Variants in ARHGAP30 observed in about 807,000 individuals in gnomAD.
The protein encoded by ARHGAP30 is Rho GTPase activating protein 30.
A neutral mutation model predicts 72.0 loss-of-function variants in ARHGAP30; 23 were observed. That is an observed-to-expected ratio of 0.32 (90% CI 0.23 to 0.45). ARHGAP30 has a LOEUF of 0.45. Among genes scored for constraint, ARHGAP30 ranks in the 20% least tolerant of loss-of-function variants. The pLI is 1.00. For missense variants in ARHGAP30, 1,319 were observed against 1,383.4 expected, an observed-to-expected ratio of 0.95 and a Z score of 0.74; for synonymous variants, 576 against 528.2, an observed-to-expected ratio of 1.09 and a Z score of -1.24.
chr1:161,065,094 C>A (rs1322940746), intron 1 of ARHGAP30, among the ~76,000 whole-genome samples: 1 of 152,142 alleles, frequency 6.6e-6, no homozygotes, highest in African/African-American at 2.4e-5. Context: ...GGTGCCTCAG[C>A]CTCCTGAGTA....
intron 1 of ARHGAP30, among the ~76,000 whole-genome samples, chr1:161,068,277 G>A (rs1434690900): frequency 6.6e-6 from 1 of 152,212 alleles, no homozygotes; most frequent in Non-Finnish European, 1.5e-5. Context: ...GCCCTGCACT[G>A]ATGGCTGTGC....
chr1:161,056,284 T>G, intron 3 of ARHGAP30, 104 bp downstream of exon 3: 1 of 1,447,104 alleles, frequency 6.9e-7, no homozygotes, highest in Non-Finnish European at 9.2e-7. Flanking sequence ...TCTCTGTCAT[T>G]CAGGATCGCT....
At position 161,048,354 on chromosome 1, in the gene ARHGAP30, G is replaced by A. The variant is rs749565030; in HGVS notation, c.2667C>T (p.Ala889=). ...NPHSSEMEEV[A]PQPPQPEEME... Reference sequence around the variant, plus strand: ...TCTCCTCTGGCTGAGGTGGCTGTGGGGCTACCTCTTCCATCTCAGAAGAGT... The same window carrying A: ...TCTCCTCTGGCTGAGGTGGCTGTGGAGCTACCTCTTCCATCTCAGAAGAGT... The change falls in exon 12 of 12, where the codon GCC becomes GCT. Residue 889 remains alanine, a synonymous_variant. Transcript: ENST00000368013. 1 of 1,614,122 alleles carries A rather than the reference G, an allele frequency of 6.2e-7. No homozygotes were observed. The highest frequency in any genetic ancestry group is 1.1e-5 in the South Asian group (1 of 91,088).
intron 10 of ARHGAP30, among the ~76,000 whole-genome samples, chr1:161,050,098 C>T (rs1651239881): frequency 6.6e-6 from 1 of 152,116 alleles, no homozygotes; most frequent in South Asian, 2.1e-4. Flanking sequence ...TGCCTCAGGA[C>T]TTCTCATGAG....
At position 161,069,463 on chromosome 1, in the gene ARHGAP30, G is replaced by A; in HGVS notation, c.97+65C>T. ...GGAAACTGCTTCTGCCCTTCAGGCT[G>A]GATCGGGCTGCAGATGCCCAGTGCC... On this transcript the variant is annotated intron_variant, in intron 1 of 11. Coordinates refer to ENST00000368013, the MANE Select transcript of ARHGAP30 (RefSeq NM_001025598.2). This position sits in a 1 kb window ranked among gnomAD's most constrained non-coding sequence, Gnocchi z 4.9. 1.3e-6 allele frequency: 2 copies of A among 1,527,912 alleles called. No individual in the cohort carries two copies. The highest frequency in any genetic ancestry group is 2.2e-5 in the South Asian group (2 of 89,358). 94.6% of individuals were successfully genotyped at this position (1,527,912 alleles called of 1,614,324 possible). A position where few individuals can be genotyped will look rare whatever the true frequency, so the allele number is the denominator to read the frequency against.
chr1:161,062,538 G>C (rs1652386737), intron 1 of ARHGAP30, among the ~76,000 whole-genome samples: 1 of 151,914 alleles, frequency 6.6e-6, no homozygotes, highest in South Asian at 2.1e-4. Context: ...AGACCAGCCT[G>C]GCCAACATAG....
At chr1:161,049,751 GTCC>G (rs1269285493) in intron 10 of ARHGAP30, 62 bp from the exon 11 acceptor site, 1 of 1,564,668 alleles carries the variant, frequency 6.4e-7, no homozygotes, top group Non-Finnish European at 8.7e-7. Flanking sequence ...TTCAGTGTGA[GTCC>G]TCCTAGCATT....
At position 161,056,463 on chromosome 1, in the gene ARHGAP30, G is replaced by A. The variant is rs766871345; in HGVS notation, c.270C>T (p.Val90=). ...TGAAATAGGCCTTGCACAGGGAGGA[G>A]ACGCAGTGAATGTCTTGGAGGTAAA... ...RDVYLQDIHC[V]SSLCKAYFRE... The change falls in exon 3 of 12, where the codon GTC becomes GTT. Residue 90 remains valine, a synonymous_variant. Coordinates refer to ENST00000368013, the MANE Select transcript of ARHGAP30 (RefSeq NM_001025598.2). The A allele has an allele frequency of 3.7e-6, 6 of 1,614,040 alleles. No homozygotes were observed. The highest frequency in any genetic ancestry group is 5.1e-6 in the Non-Finnish European group (6 of 1,179,998).
chr1:161,051,682 C>A lies in ARHGAP30; in HGVS notation c.1052G>T (p.Arg351Leu), dbSNP rs747945735. The stretch of plus-strand genomic sequence containing the variant: ...GCTCTCAGGCAGCAATGGGCTTGGC[C>A]GGGGGCTGCTGGGCCCCACCAGCCC... ...PEGLVGPSSP[R>L]PSPLLPESLE... is the part of the protein sequence containing the mutation. Residue 351 changes from arginine to leucine, a missense_variant, in exon 10 of 12, where the codon CGG (arginine) becomes CTG (leucine). Coordinates refer to ENST00000368013, the MANE Select transcript of ARHGAP30 (RefSeq NM_001025598.2). 1.9e-6 allele frequency: 3 copies of A among 1,611,792 alleles called. No homozygotes were observed. The South Asian group carries it at 3.3e-5, about 18-fold the overall frequency.
Position 161,047,972 on chromosome 1 carries a change from G to T in ARHGAP30, c.3049C>A (p.Arg1017=). The part of the protein sequence containing the change: ...RQRTEAQGVR[R]TQTCTEGGDY... ...CCACCCTCAGTACAGGTCTGGGTTC[G>T]CCGAACTCCTTGAGCCTCAGTCCTT... Residue 1017 remains arginine (R), a synonymous_variant, in exon 12 of 12, where the codon CGA becomes AGA. Coordinates refer to ENST00000368013, the MANE Select transcript of ARHGAP30 (RefSeq NM_001025598.2). 1 of 1,614,112 alleles carries T rather than the reference G, an allele frequency of 6.2e-7. No homozygotes were observed. The highest frequency in any genetic ancestry group is 8.5e-7 in the Non-Finnish European group (1 of 1,180,014).
rs1010287007 is a variant in ARHGAP30 at position 161,047,531 on chromosome 1, C to T, written c.*184G>A. 10 of 481,670 alleles carry T rather than the reference C, an allele frequency of 2.1e-5. No individual in the cohort carries two copies. Among genetic ancestry groups the T allele is most frequent in the Admixed American group, 4.0e-5 (1 of 25,204 alleles). 29.8% of individuals were successfully genotyped at this position (481,670 alleles called of 1,614,324 possible). ...CTCCTAAGAGATAAGTGCTTTGTGT[C>T]GGAGACAAGTTCAGGTAAACCAACC... On this transcript the variant is annotated 3_prime_UTR_variant, in exon 12 of 12. Transcript: ENST00000368013.
Position 161,054,373 on chromosome 1 carries a change from G to A in ARHGAP30, c.529C>T (p.Leu177=). Residue 177 remains leucine (L), a synonymous_variant, in exon 5 of 12, where the codon CTG becomes TTG. Coordinates refer to ENST00000368013, the MANE Select transcript of ARHGAP30 (RefSeq NM_001025598.2). ...GCTCACACAGGCACCTACCTCAGCA[G>A]GTTGGGAGCCCACACGATGGCCAGG... ...RNLAIVWAPN[L]LRSKDIEASG... is the part of the protein sequence containing the mutation. 6.2e-7 allele frequency: 1 copy of A among 1,613,730 alleles called. No individual in the cohort carries two copies. The highest frequency in any genetic ancestry group is 8.5e-7 in the Non-Finnish European group (1 of 1,179,806).
intron 10 of ARHGAP30, among the ~76,000 whole-genome samples, chr1:161,050,902 A>C (rs898572236): frequency 3.9e-5 from 6 of 152,198 alleles, no homozygotes; most frequent in African/African-American, 1.4e-4. Flanking sequence ...TAGGCATCCC[A>C]AAGTGCTGGG....
chr1:161,047,172 A>G lies in ARHGAP30; in HGVS notation c.*543T>C. ...AGGGTGGGGAGCTGGAGAGGAGTCC[A>G]GTCCCTCCAACAAATATTGAGGGCT... On this transcript the variant is annotated 3_prime_UTR_variant, in exon 12 of 12. Coordinates refer to ENST00000368013, the MANE Select transcript of ARHGAP30 (RefSeq NM_001025598.2). 3.7e-6 allele frequency: 1 copy of G among 271,350 alleles called. No homozygotes were observed. Among genetic ancestry groups the G allele is most frequent in the Non-Finnish European group, 7.9e-6 (1 of 125,854 alleles). The allele number at this position is 271,350 out of a possible 1,614,324, so 16.8% of individuals were successfully genotyped here.
intron 1 of ARHGAP30, chr1:161,060,215 G>A (rs573519801): frequency 7.7e-5 from 35 of 453,266 alleles, no homozygotes; most frequent in South Asian, 5.4e-4. Context: ...CAGGAGGCAA[G>A]GGCTGCAGGA....
Position 161,048,713 on chromosome 1 carries a change from C to G in ARHGAP30, c.2308G>C (p.Glu770Gln), listed in dbSNP as rs762346577. 9.3e-6 allele frequency: 15 copies of G among 1,614,050 alleles called. No homozygotes were observed. The highest frequency in any genetic ancestry group is 4.4e-5 in the South Asian group (4 of 91,088). ...EAQVEAGRDL[E>Q]QGAQEDQVAE... ...ACTTGATCTTCCTGGGCCCCTTGCT[C>G]TAGGTCCCTTCCAGCTTCTACCTGG... is the stretch of plus-strand genomic sequence containing the variant. Residue 770 changes from glutamate to glutamine, a missense_variant, in exon 12 of 12, where the codon GAG (glutamate) becomes CAG (glutamine). Transcript: ENST00000368013.
At chr1:161,055,865 TAAA>T (rs748219578) in intron 3 of ARHGAP30, among the ~76,000 whole-genome samples, 70,614 of 122,112 alleles carry the variant, frequency 0.58, 21,204 homozygotes, top group Non-Finnish European at 0.65. Flanking sequence ...ATAAATAAAA[TAAA>T]ATAAAATAAA....
At chr1:161,056,319 A>G (rs895053069) in intron 3 of ARHGAP30, 69 bp downstream of exon 3, 9 of 1,566,766 alleles carry the variant, frequency 5.7e-6, no homozygotes, top group Admixed American at 3.5e-5. Context: ...TATGTGGCAC[A>G]CTTGGGATGT....
At position 161,048,653 on chromosome 1, in the gene ARHGAP30, C is replaced by T; in HGVS notation, c.2368G>A (p.Glu790Lys). ...TCATCCTCTCTGACTCCCTCAGCCT[C>T]TTGTTTCTGTACAACTTCCCATTTC... Reference protein sequence around the residue: ...EEKWEVVQKQEAEGVREDEDK... With the variant: ...EEKWEVVQKQKAEGVREDEDK... Residue 790 changes from glutamate to lysine, a missense_variant, in exon 12 of 12, where the codon GAG (glutamate) becomes AAG (lysine). Glu to Lys is a moderately conservative substitution (Grantham distance 56). Around this residue, in one of 2 missense-constraint regions of ARHGAP30, gnomAD observed 1,097 missense variants for 1,045.2 expected, o/e 1.05. Transcript: ENST00000368013. 1 of 1,614,164 alleles carries T rather than the reference C, an allele frequency of 6.2e-7. No individual in the cohort carries two copies. The highest frequency in any genetic ancestry group is 1.1e-5 in the South Asian group (1 of 91,084).
Sources: gnomAD v4.1 joint callset for allele counts (sites outside exome capture counted in the v4.1 genomes callset) on GRCh38, gnomAD v4.1.1 for gene constraint, gnomAD v4.1.1 regional missense constraint, Gnocchi (gnomAD v3.1) non-coding constraint, MANE v1.5 for transcripts, NCBI Gene and HGNC (gene_info 2026-07-23, HGNC 2026-07-21) for gene names.